The following MAP7 variants were observed in gnomAD, a reference collection of about 807,000 sequenced individuals.
MAP7 encodes ensconsin.
MAP7 carries 52 observed loss-of-function variants against 94.8 expected under a neutral mutation model. That is an observed-to-expected ratio of 0.55 (90% CI 0.44 to 0.69). The LOEUF is 0.69. Ranked by LOEUF, MAP7 falls within the 30% of genes least tolerant of loss-of-function variation. The pLI, the probability that MAP7 is intolerant of heterozygous loss-of-function variation, is 0.00. For synonymous variants in MAP7, 350 were observed against 357.0 expected, an observed-to-expected ratio of 0.98 and a Z score of 0.22; for missense variants, 940 against 964.6, an observed-to-expected ratio of 0.97 and a Z score of 0.34.
chr6:136,487,200 A>T (rs1001581777), intron 1 of MAP7, among the ~76,000 whole-genome samples: 4 of 152,368 alleles, frequency 2.6e-5, no homozygotes, highest in Non-Finnish European at 5.9e-5. Context: ...TACCCATCTT[A>T]ACCATTGCAG....
chr6:136,461,341 T>A (rs549273421), intron 1 of MAP7, among the ~76,000 whole-genome samples: 1 of 152,328 alleles, frequency 6.6e-6, no homozygotes, highest in East Asian at 1.9e-4. Context: ...ATTTAAATTG[T>A]GTATTTCACT....
At chr6:136,349,771 G>GA (rs1425829511) in intron 16 of MAP7, among the ~76,000 whole-genome samples, 1 of 152,144 alleles carries the variant, frequency 6.6e-6, no homozygotes, top group South Asian at 2.1e-4. Context: ...CTGTCAGGGG[G>GA]AAAAGAGATG....
chr6:136,446,304 A>G (rs1799332215), intron 1 of MAP7, among the ~76,000 whole-genome samples: 1 of 151,862 alleles, frequency 6.6e-6, no homozygotes, highest in African/African-American at 2.4e-5. Context: ...TCAGAGGTGG[A>G]TAGGGCACAG....
Position 136,356,739 on chromosome 6 carries a change from G to T in MAP7, c.1968C>A (p.Gly656=), listed in dbSNP as rs745456930. The T allele has an allele frequency of 1.9e-6, 3 of 1,614,062 alleles. No homozygotes were observed. Among genetic ancestry groups the T allele is most frequent in the African/African-American group, 1.3e-5 (1 of 74,920 alleles). The part of the protein sequence containing the change: ...TNAPGNGKPV[G]SPHVVTSHQS... ...GGTGTGAGGTAACCACATGTGGGCT[G>T]CCAACTGGCTTTCCATTTCCCGGAG... The change falls in exon 16 of 18, where the codon GGC becomes GGA. Residue 656 remains glycine, a synonymous_variant. Transcript: ENST00000354570.
chr6:136,529,041 C>T (rs1217383088), intron 1 of MAP7, among the ~76,000 whole-genome samples: 2 of 152,086 alleles, frequency 1.3e-5, no homozygotes, highest in African/African-American at 4.8e-5. Flanking sequence ...CATTTTGATC[C>T]AAACCAAAGG....
rs1431926960 is a variant in MAP7, at chr6:136,360,790, T to C, written c.1710A>G (p.Glu570=). Residue 570 remains glutamate (E), a synonymous_variant, in exon 13 of 18, where the codon GAA becomes GAG. Transcript: ENST00000354570. ...CTGCTTCTTCACGAACGCGAGCTTC[T>C]TCTTCTTTCTGAAAACAGAAGGTCG... ...EAERAQRQKE[E]EARVREEAER... 1.4e-5 allele frequency: 22 copies of C among 1,613,814 alleles called. No homozygotes were observed. Among genetic ancestry groups the C allele is most frequent in the Non-Finnish European group, 1.9e-5 (22 of 1,180,042 alleles).
At chr6:136,545,090 T>C (rs1829623470) in intron 1 of MAP7, 1 of 152,242 alleles carries the variant, frequency 6.6e-6, no homozygotes, top group East Asian at 1.9e-4. Flanking sequence ...TCTCTTCCTA[T>C]TGCCATGCTA....
At chr6:136,436,634 C>G (rs569307556) in intron 1 of MAP7, among the ~76,000 whole-genome samples, 1 of 152,292 alleles carries the variant, frequency 6.6e-6, no homozygotes, top group Admixed American at 6.5e-5. Flanking sequence ...CCCATCTTGG[C>G]CTCCCAAAGC....
rs371481897 is a variant in MAP7, at chr6:136,511,351, C to T, written c.67+38991G>A. Among the ~76,000 whole-genome samples, 28 of 152,116 alleles carry T rather than the reference C, an allele frequency of 1.8e-4. No individual in the cohort carries two copies. In the South Asian group the frequency reaches 5.6e-3, roughly 30 times the overall value. ...AAATTCATAAAAAGAAAATTTGATT[C>T]CCCAAGCCCAGGGTAAAAATCCAGA... On this transcript the variant is annotated intron_variant, in intron 1 of 17. Coordinates refer to ENST00000354570, the MANE Select transcript of MAP7 (RefSeq NM_003980.6).
chr6:136,359,657 T>C lies in MAP7; in HGVS notation c.1912+163A>G, dbSNP rs547385064. 7.2e-5 allele frequency among the ~76,000 whole-genome samples: 11 copies of C among 152,300 alleles called. No homozygotes were observed. The South Asian group carries it at 2.1e-3, about 29-fold the overall frequency. ...AACTGGTAGAAACACTAGACAGTTT[T>C]ACATAAGAGGAAGGAAGGACTCGAT... On this transcript the variant is annotated intron_variant, in intron 15 of 17. Transcript: ENST00000354570.
At chr6:136,465,039 C>T (rs1456341246) in intron 1 of MAP7, among the ~76,000 whole-genome samples, 1 of 152,202 alleles carries the variant, frequency 6.6e-6, no homozygotes, top group Non-Finnish European at 1.5e-5. Flanking sequence ...GGTTCTGCTC[C>T]CACAACCATG....
At chr6:136,465,143 G>A (rs976889814) in intron 1 of MAP7, among the ~76,000 whole-genome samples, 1 of 152,170 alleles carries the variant, frequency 6.6e-6, no homozygotes, top group African/African-American at 2.4e-5. Flanking sequence ...CACCTCCACT[G>A]AAATTTGAAT....
chr6:136,355,467 A>C (rs1316807571), intron 16 of MAP7, among the ~76,000 whole-genome samples: 1 of 152,196 alleles, frequency 6.6e-6, no homozygotes, highest in Non-Finnish European at 1.5e-5. Flanking sequence ...GTAGGCAAAA[A>C]ATAAATAAAT....
At chr6:136,483,981 A>T (rs530874893) in intron 1 of MAP7, among the ~76,000 whole-genome samples, 4 of 152,354 alleles carry the variant, frequency 2.6e-5, no homozygotes, top group Admixed American at 2.0e-4. Flanking sequence ...TGAAGGTGAA[A>T]CTTGCTGGCT....
At chr6:136,385,021 ATTTTG>A (rs1778815668) in intron 5 of MAP7, among the ~76,000 whole-genome samples, 1 of 152,128 alleles carries the variant, frequency 6.6e-6, no homozygotes. Flanking sequence ...TTTTTGCTGT[ATTTTG>A]TTTTATTTTT....
chr6:136,542,902 T>G (rs1195358816), intron 1 of MAP7, among the ~76,000 whole-genome samples: 1 of 152,200 alleles, frequency 6.6e-6, no homozygotes, highest in East Asian at 1.9e-4. Flanking sequence ...ATTACATTGC[T>G]TTACTCAAAG....
At chr6:136,385,750 G>T (rs573220291) in intron 5 of MAP7, among the ~76,000 whole-genome samples, 4 of 152,110 alleles carry the variant, frequency 2.6e-5, no homozygotes, top group Non-Finnish European at 5.9e-5. Context: ...ACACACAAAA[G>T]AATAAGTTTT....
intron 12 of MAP7, 85 bp downstream of exon 12, chr6:136,360,920 G>C: frequency 6.5e-7 from 1 of 1,544,080 alleles, no homozygotes; most frequent in Non-Finnish European, 8.8e-7. Flanking sequence ...GGGAGCACCA[G>C]CAGTCCAGTC....
At chr6:136,393,396 G>C (rs1431318795) in intron 3 of MAP7, among the ~76,000 whole-genome samples, 1 of 152,178 alleles carries the variant, frequency 6.6e-6, no homozygotes, top group African/African-American at 2.4e-5. Flanking sequence ...AAAATGTCTA[G>C]TTCAAACGCA....
Sources: allele counts gnomAD v4.1 joint callset (sites outside exome capture counted in the v4.1 genomes callset), GRCh38; gene constraint gnomAD v4.1.1; transcripts MANE v1.5; gene names NCBI Gene and HGNC (gene_info 2026-07-23, HGNC 2026-07-21).